AGO2: variants seen among roughly 807,000 people sequenced by gnomAD.
The protein encoded by AGO2 is protein argonaute-2.
Under a neutral mutation model 102.3 loss-of-function variants are expected in AGO2, and 5 were observed. The observed-to-expected ratio is 0.05, with a 90% CI of 0.03 to 0.10. The LOEUF (loss-of-function observed/expected upper bound fraction) is 0.10. Ranked by LOEUF, AGO2 falls within the 10% of genes least tolerant of loss-of-function variation. The pLI is 1.00. For missense variants in AGO2, 541 were observed against 1,183.7 expected (o/e 0.46, Z 7.97); for synonymous variants, 449 against 473.1 (o/e 0.95, Z 0.66).
intron 3 of AGO2, among the ~76,000 whole-genome samples, chr8:140,565,078 G>A (rs2073258341): frequency 1.3e-5 from 2 of 151,916 alleles, no homozygotes; most frequent in Admixed American, 6.6e-5. Flanking sequence ...AGGTTGCAGT[G>A]AGCCGAGATC....
In AGO2 at chr8:140,531,360, T is replaced by C. The variant is rs969546365; in HGVS notation, c.*684A>G. 1 of 152,602 alleles carries C rather than the reference T, an allele frequency of 6.6e-6. No individual in the cohort carries two copies. Among genetic ancestry groups the C allele is most frequent in the African/African-American group, 2.4e-5 (1 of 41,460 alleles). The allele number at this position is 152,602 out of a possible 1,614,324, so 9.5% of individuals were successfully genotyped here. A position where few individuals can be genotyped will look rare whatever the true frequency, so the allele number is the denominator to read the frequency against. Reference sequence around the variant, plus strand: ...TTCTTTTTTTAAATACATTTTTTATTAAAATGGCACTTGTCTGCCAACCTC... The same window carrying C: ...TTCTTTTTTTAAATACATTTTTTATCAAAATGGCACTTGTCTGCCAACCTC... On this transcript the variant is annotated 3_prime_UTR_variant, in exon 19 of 19. Coordinates refer to ENST00000220592, the MANE Select transcript of AGO2 (RefSeq NM_012154.5).
chr8:140,585,389 C>G (rs1160646645), intron 1 of AGO2, 78 bp from the exon 2 acceptor site: 6 of 1,497,594 alleles, frequency 4.0e-6, no homozygotes, highest in East Asian at 4.6e-5. Flanking sequence ...GGCCCCAAGC[C>G]ACTATATGCC....
intron 1 of AGO2, among the ~76,000 whole-genome samples, chr8:140,609,861 C>T (rs867696103): frequency 2.0e-5 from 3 of 151,454 alleles, no homozygotes; most frequent in Middle Eastern, 3.4e-3. Flanking sequence ...ACTACAATGG[C>T]CAGGCACGGG....
rs1256065363 is a variant in AGO2, at chr8:140,522,577, C to T, written c.*9467G>A. 6.9e-6 allele frequency: 1 copy of T among 144,554 alleles called. No individual in the cohort carries two copies. Among genetic ancestry groups the T allele is most frequent in the East Asian group, 2.0e-4 (1 of 4,948 alleles). The allele number at this position is 144,554 out of a possible 1,614,324, so 9.0% of individuals were successfully genotyped here. On this transcript the variant is annotated 3_prime_UTR_variant, in exon 19 of 19. Transcript: ENST00000220592. ...AAAAAAAAAAAAACCCTGAAAAAGT[C>T]GCAAGACTTTTAGAACAGGTCTTTT...
At chr8:140,559,262 T>C (rs2073156058) in intron 6 of AGO2, 133 bp downstream of exon 6, 1 of 1,144,672 alleles carries the variant, frequency 8.7e-7, no homozygotes, top group Non-Finnish European at 1.2e-6. Flanking sequence ...TGCTACCTCA[T>C]CTGATGGCTA....
At chr8:140,602,606 G>A (rs1299582198) in intron 1 of AGO2, among the ~76,000 whole-genome samples, 1 of 152,164 alleles carries the variant, frequency 6.6e-6, no homozygotes, top group African/African-American at 2.4e-5. Context: ...CTGTGGCTCA[G>A]GCTAATTCAA....
At chr8:140,562,678 C>T in intron 3 of AGO2, 44 bp from the exon 4 acceptor site, 1 of 1,585,048 alleles carries the variant, frequency 6.3e-7, no homozygotes, top group Non-Finnish European at 8.6e-7. Context: ...TCCTGCGAAG[C>T]CCCAGGGAGG....
At chr8:140,578,778 C>A (rs530075498) in intron 2 of AGO2, among the ~76,000 whole-genome samples, 112 of 152,350 alleles carry the variant, frequency 7.4e-4, no homozygotes, top group African/African-American at 2.2e-3. Flanking sequence ...CCTCTTCAGT[C>A]GCCACCCAGG....
At chr8:140,636,721 C>T (rs137873282), upstream of AGO2, 1 of 152,352 alleles carries the variant, frequency 6.6e-6, no homozygotes, top group Non-Finnish European at 1.5e-5. Context: ...CCTCCGAAAA[C>T]TCAAAAGGAC....
At chr8:140,598,540 G>C (rs2073882363) in intron 1 of AGO2, among the ~76,000 whole-genome samples, 1 of 152,206 alleles carries the variant, frequency 6.6e-6, no homozygotes, top group Non-Finnish European at 1.5e-5. Context: ...CGGTGCCGTA[G>C]GATCACCGGT....
chr8:140,586,421 G>A (rs1225714045), intron 1 of AGO2, among the ~76,000 whole-genome samples: 1 of 152,206 alleles, frequency 6.6e-6, no homozygotes, highest in Non-Finnish European at 1.5e-5. Flanking sequence ...TGAACGCGGA[G>A]GTTGCAGTGA....
At chr8:140,577,548 C>A (rs1382502264) in intron 2 of AGO2, among the ~76,000 whole-genome samples, 1 of 152,140 alleles carries the variant, frequency 6.6e-6, no homozygotes, top group Non-Finnish European at 1.5e-5. Context: ...ACAAACTCAT[C>A]CTAAAATAGA....
At chr8:140,587,517 C>T (rs1046635505) in intron 1 of AGO2, among the ~76,000 whole-genome samples, 1 of 152,188 alleles carries the variant, frequency 6.6e-6, no homozygotes. Flanking sequence ...GGGAGTCCCA[C>T]GTGTAAGCTG....
At chr8:140,548,925 G>A (rs895070145) in intron 12 of AGO2, among the ~76,000 whole-genome samples, 189 bp downstream of exon 12, 1 of 152,266 alleles carries the variant, frequency 6.6e-6, no homozygotes, top group African/African-American at 2.4e-5. Context: ...ACAGGACGAC[G>A]GGGAGGCCCT....
At chr8:140,604,104 C>T (rs1018270396) in intron 1 of AGO2, among the ~76,000 whole-genome samples, 1 of 152,226 alleles carries the variant, frequency 6.6e-6, no homozygotes, top group Non-Finnish European at 1.5e-5. Context: ...CCAGCAGCCC[C>T]GGAGGCTCAG....
At chr8:140,595,098 A>C (rs1274016002) in intron 1 of AGO2, among the ~76,000 whole-genome samples, 1 of 152,160 alleles carries the variant, frequency 6.6e-6, no homozygotes, top group East Asian at 1.9e-4. Context: ...CTGGTAACTC[A>C]ACACCTAGGC....
At chr8:140,619,375 C>T (rs2152106191) in intron 1 of AGO2, among the ~76,000 whole-genome samples, 1 of 152,356 alleles carries the variant, frequency 6.6e-6, no homozygotes, top group South Asian at 2.1e-4. Context: ...GAATGTCTTA[C>T]ACTAGACGCA....
intron 1 of AGO2, among the ~76,000 whole-genome samples, chr8:140,596,829 C>CG (rs1170990072): frequency 6.6e-6 from 1 of 152,112 alleles, no homozygotes; most frequent in African/African-American, 2.4e-5. Context: ...GGGTGGGGGA[C>CG]GGGCCCACGT....
chr8:140,587,249 C>T (rs1172666294), intron 1 of AGO2, among the ~76,000 whole-genome samples: 1 of 152,238 alleles, frequency 6.6e-6, no homozygotes, highest in African/African-American at 2.4e-5. Flanking sequence ...AATGGGAAAA[C>T]ACAGCGGTAA....
Sources: gnomAD v4.1 joint callset for allele counts (sites outside exome capture counted in the v4.1 genomes callset) on GRCh38, gnomAD v4.1.1 for gene constraint, MANE v1.5 for transcripts, NCBI Gene and HGNC (gene_info 2026-07-23, HGNC 2026-07-21) for gene names.